The following LPCAT2 variants were observed in gnomAD, a reference collection of about 807,000 sequenced individuals.
The protein encoded by LPCAT2 is 1-AGP acyltransferase 11.
A neutral mutation model predicts 64.7 loss-of-function variants in LPCAT2; 58 were observed. That is an observed-to-expected ratio of 0.90 (90% CI 0.73 to 1.12). The LOEUF is 1.12. Among genes scored for constraint, LPCAT2 ranks in the 50% most tolerant of loss-of-function variants. The probability of loss-of-function intolerance (pLI) is 0.00; values close to 1 mark genes in which losing one functional copy is unlikely to be tolerated. For synonymous variants in LPCAT2, 252 were observed against 245.3 expected, an observed-to-expected ratio of 1.03 and a Z score of -0.26; for missense variants, 579 against 669.8, an observed-to-expected ratio of 0.86 and a Z score of 1.50.
chr16:55,582,863 C>T (rs1963901794), intron 13 of LPCAT2, 51 bp from the exon 14 acceptor site: 1 of 1,246,964 alleles, frequency 8.0e-7, no homozygotes, highest in South Asian at 1.4e-5. Flanking sequence ...CTGCATCATG[C>T]CAAAAGAAGA....
chr16:55,548,229 C>CT (rs5817017), intron 9 of LPCAT2, among the ~76,000 whole-genome samples: 12,389 of 150,870 alleles, frequency 0.082, 731 homozygotes, highest in African/African-American at 0.16. Context: ...TGTACTGCAC[C>CT]TTTTTTTTTG....
chr16:55,578,253 G>T (rs190880334), intron 12 of LPCAT2, among the ~76,000 whole-genome samples: 3 of 151,968 alleles, frequency 2.0e-5, no homozygotes, highest in Non-Finnish European at 4.4e-5. Flanking sequence ...ACCCAAATTC[G>T]TATCTCAAGA....
intron 11 of LPCAT2, among the ~76,000 whole-genome samples, chr16:55,552,064 T>C (rs1335805175): frequency 6.6e-6 from 1 of 152,196 alleles, no homozygotes; most frequent in Non-Finnish European, 1.5e-5. Flanking sequence ...TGAAAAAATA[T>C]ATATATTTTC....
chr16:55,523,849 G>A (rs11646335), intron 1 of LPCAT2, among the ~76,000 whole-genome samples: 72,483 of 151,480 alleles, frequency 0.48, 18,015 homozygotes, highest in Non-Finnish European at 0.55. Context: ...CTGCATAGGG[G>A]TATGCATTTG....
In LPCAT2 at chr16:55,528,485, T is replaced by A; in HGVS notation, c.420T>A (p.Val140=). 6.2e-7 allele frequency: 1 copy of A among 1,614,002 alleles called. No homozygotes were observed. Among genetic ancestry groups the A allele is most frequent in the Non-Finnish European group, 8.5e-7 (1 of 1,179,922 alleles). Residue 140 remains valine (V), a synonymous_variant, in exon 3 of 14, where the codon GTT becomes GTA. Coordinates refer to ENST00000262134, the MANE Select transcript of LPCAT2 (RefSeq NM_017839.5). ...GKIASPLEAP[V]FVAAPHSTFF... ...TTGCAAGTCCTTTGGAAGCACCAGT[T>A]TTTGTTGCTGCCCCTCATTCAACAT... is the stretch of plus-strand genomic sequence containing the variant.
chr16:55,556,907 T>G (rs1299674337), intron 11 of LPCAT2: 3 of 152,258 alleles, frequency 2.0e-5, no homozygotes, highest in Non-Finnish European at 1.5e-5. Flanking sequence ...GCCAGCTAGC[T>G]GATTGACTAA....
At chr16:55,511,141 A>T (rs1962926395) in intron 1 of LPCAT2, among the ~76,000 whole-genome samples, 1 of 152,192 alleles carries the variant, frequency 6.6e-6, no homozygotes, top group African/African-American at 2.4e-5. Flanking sequence ...GAGGGCTACA[A>T]TTAAGTGAAA....
At chr16:55,574,865 A>G in intron 12 of LPCAT2, 136 bp downstream of exon 12, 1 of 611,052 alleles carries the variant, frequency 1.6e-6, no homozygotes, top group Non-Finnish European at 2.9e-6. Flanking sequence ...CAATAATGTG[A>G]TTAAGTCAGT....
At chr16:55,510,856 C>T (rs77996410) in intron 1 of LPCAT2, among the ~76,000 whole-genome samples, 2,376 of 152,244 alleles carry the variant, frequency 0.016, 56 homozygotes, top group African/African-American at 0.05. Context: ...ATATGCCCAT[C>T]TATTTGACTT....
chr16:55,564,992 C>T (rs1963676514), intron 11 of LPCAT2, among the ~76,000 whole-genome samples: 1 of 151,874 alleles, frequency 6.6e-6, no homozygotes, highest in South Asian at 2.1e-4. Context: ...TGCAACTCAA[C>T]AACAAGAAAC....
chr16:55,513,427 A>T (rs772806945), intron 1 of LPCAT2, among the ~76,000 whole-genome samples: 1 of 152,174 alleles, frequency 6.6e-6, no homozygotes, highest in Non-Finnish European at 1.5e-5. Context: ...CAGTCTAAAA[A>T]GCAGAATGAA....
chr16:55,572,415 A>G (rs1963780230), intron 11 of LPCAT2, among the ~76,000 whole-genome samples: 1 of 152,204 alleles, frequency 6.6e-6, no homozygotes, highest in South Asian at 2.1e-4. Flanking sequence ...TAAGACTTCT[A>G]TGTTGCTTAG....
intron 13 of LPCAT2, among the ~76,000 whole-genome samples, chr16:55,580,834 G>A (rs1366921255): frequency 6.0e-5 from 4 of 67,044 alleles, no homozygotes; most frequent in South Asian, 5.4e-4. Context: ...TCATAGGAGC[G>A]CATGAACCCT....
intron 11 of LPCAT2, among the ~76,000 whole-genome samples, chr16:55,557,460 A>C (rs939346742): frequency 6.6e-6 from 1 of 152,192 alleles, no homozygotes; most frequent in Admixed American, 6.5e-5. Context: ...AGCAGAGGGA[A>C]GTTTGATGGG....
intron 1 of LPCAT2, among the ~76,000 whole-genome samples, chr16:55,517,411 G>C (rs1223482865): frequency 9.9e-5 from 15 of 151,726 alleles, no homozygotes; most frequent in Admixed American, 9.9e-4. Context: ...GCTACCAAAG[G>C]GTTAATGAAG....
At chr16:55,517,678 C>G (rs1583588) in intron 1 of LPCAT2, among the ~76,000 whole-genome samples, 73,172 of 151,868 alleles carry the variant, frequency 0.48, 18,262 homozygotes, top group Non-Finnish European at 0.55. Context: ...ATGTAATGTT[C>G]GTTCAACATA....
At chr16:55,532,737 T>C in intron 5 of LPCAT2, 87 bp from the exon 6 acceptor site, 1 of 824,202 alleles carries the variant, frequency 1.2e-6, no homozygotes, top group Non-Finnish European at 2.0e-6. Flanking sequence ...AAATATTCAG[T>C]CTATTTATAC....
chr16:55,569,945 T>C (rs188258309), intron 11 of LPCAT2, among the ~76,000 whole-genome samples: 1 of 152,348 alleles, frequency 6.6e-6, no homozygotes, highest in East Asian at 1.9e-4. Flanking sequence ...GCCTGCTCTA[T>C]ATGCAAGACT....
chr16:55,540,728 C>A, intron 8 of LPCAT2: 1 of 184,362 alleles, frequency 5.4e-6, no homozygotes, highest in South Asian at 1.6e-4. Context: ...ATAATAAGTC[C>A]CCCCTTATCT....
Sources: gnomAD v4.1 joint callset for allele counts (sites outside exome capture counted in the v4.1 genomes callset) on GRCh38, gnomAD v4.1.1 for gene constraint, MANE v1.5 for transcripts, NCBI Gene and HGNC (gene_info 2026-07-23, HGNC 2026-07-21) for gene names.